Variants in NRXN1 observed in about 807,000 individuals in gnomAD.
The protein encoded by NRXN1 is neurexin-1.
A neutral mutation model predicts 150.9 loss-of-function variants in NRXN1; 39 were observed. The ratio of observed to expected loss-of-function variants is 0.26; its 90% CI spans 0.20 to 0.34. The LOEUF is 0.34. NRXN1 is among the 10% of genes least tolerant of loss of function. NRXN1 has a pLI of 1.00. For synonymous variants in NRXN1, 924 were observed against 757.0 expected (o/e 1.22, Z -3.62); for missense variants, 1,815 against 1,949.9 (o/e 0.93, Z 1.30).
intron 10 of NRXN1, among the ~76,000 whole-genome samples, chr2:50,532,123 G>A (rs1405134472): frequency 6.6e-6 from 1 of 152,010 alleles, no homozygotes; most frequent in African/African-American, 2.4e-5. Flanking sequence ...AGGAACCTGT[G>A]CCCAGCCTCC....
intron 2 of NRXN1, among the ~76,000 whole-genome samples, chr2:51,004,948 G>A (rs183871951): frequency 8.9e-4 from 135 of 151,970 alleles, no homozygotes; most frequent in African/African-American, 2.6e-3. Flanking sequence ...GAACCTTACC[G>A]CATAAGATGG....
At chr2:50,341,010 G>C (rs1475163721) in intron 17 of NRXN1, among the ~76,000 whole-genome samples, 6 of 152,086 alleles carry the variant, frequency 3.9e-5, no homozygotes, top group African/African-American at 1.4e-4. Context: ...GACTGCTTTT[G>C]GTCATACAGT....
At chr2:50,382,909 A>G (rs1424105473) in intron 17 of NRXN1, among the ~76,000 whole-genome samples, 3 of 152,172 alleles carry the variant, frequency 2.0e-5, no homozygotes, top group Non-Finnish European at 4.4e-5. Context: ...GAGCCGCCTC[A>G]GGTTCACCAT....
intron 5 of NRXN1, among the ~76,000 whole-genome samples, chr2:50,852,254 A>G (rs145224179): frequency 6.6e-6 from 1 of 152,294 alleles, no homozygotes; most frequent in Non-Finnish European, 1.5e-5. Context: ...AATGGGTTCT[A>G]GAATGTTATA....
intron 17 of NRXN1, among the ~76,000 whole-genome samples, chr2:50,430,093 A>T (rs1396056562): frequency 6.6e-6 from 1 of 152,200 alleles, no homozygotes; most frequent in African/African-American, 2.4e-5. Context: ...GAATGAATAC[A>T]GTACTCCCAT....
chr2:50,784,838 T>G lies in NRXN1; in HGVS notation c.832+137031A>C, dbSNP rs117849140. Among the ~76,000 whole-genome samples, 268 of 152,048 alleles carry G rather than the reference T, an allele frequency of 1.8e-3. 4 individuals carry two copies. The highest frequency in any genetic ancestry group is 0.015 in the East Asian group (79 of 5,156). On this transcript the variant is annotated intron_variant, in intron 5 of 22. Coordinates refer to ENST00000401669, the MANE Select transcript of NRXN1 (RefSeq NM_001330078.2). ...ATAGTGAGGACAGGAAGATCCATAG[T>G]GGGGGCACTGTATACACAATGAGAT...
At chr2:50,438,137 G>A (rs1387481617) in intron 17 of NRXN1, among the ~76,000 whole-genome samples, 1 of 152,072 alleles carries the variant, frequency 6.6e-6, no homozygotes, top group Non-Finnish European at 1.5e-5. Flanking sequence ...AATTTTCCCA[G>A]GTCATGGCCA....
intron 5 of NRXN1, among the ~76,000 whole-genome samples, chr2:50,692,632 T>G (rs1692234618): frequency 6.6e-6 from 1 of 152,204 alleles, no homozygotes; most frequent in East Asian, 1.9e-4. Flanking sequence ...AAAAAGCTAT[T>G]TTTGTAATCT....
chr2:50,264,877 G>A (rs1393222907), intron 17 of NRXN1, among the ~76,000 whole-genome samples: 2 of 152,190 alleles, frequency 1.3e-5, no homozygotes, highest in South Asian at 2.1e-4. Flanking sequence ...TTGGAATAAT[G>A]TCATCACTAG....
In NRXN1 at chr2:50,720,093, C is replaced by A. The variant is rs867543976; in HGVS notation, c.833-96478G>T. The stretch of plus-strand genomic sequence containing the variant: ...CTGCACAAGATACCTAGATGTTTGG[C>A]TCATGCCTTTGCTGTAGATCTGTCC... On this transcript the variant is annotated intron_variant, in intron 5 of 22. Transcript: ENST00000401669. Among the ~76,000 whole-genome samples, 7 of 152,334 alleles carry A rather than the reference C, an allele frequency of 4.6e-5. No individual in the cohort carries two copies. The South Asian group carries it at 1.4e-3, about 32-fold the overall frequency.
At chr2:50,334,538 C>A (rs1434879341) in intron 17 of NRXN1, among the ~76,000 whole-genome samples, 7 of 152,122 alleles carry the variant, frequency 4.6e-5, no homozygotes, top group Non-Finnish European at 8.8e-5. Flanking sequence ...TAAATACCTA[C>A]ACTGCCCTAG....
At chr2:50,289,844 A>G (rs2072688414) in intron 17 of NRXN1, among the ~76,000 whole-genome samples, 1 of 152,200 alleles carries the variant, frequency 6.6e-6, no homozygotes, top group Non-Finnish European at 1.5e-5. Flanking sequence ...ATATCTGTCC[A>G]TTCCATAATC....
At chr2:50,921,284 G>C (rs1426108196) in intron 5 of NRXN1, among the ~76,000 whole-genome samples, 1 of 151,724 alleles carries the variant, frequency 6.6e-6, no homozygotes, top group Non-Finnish European at 1.5e-5. Flanking sequence ...AGCAATGCGG[G>C]AATGCATAGC....
intron 19 of NRXN1, 59 bp downstream of exon 19, chr2:50,091,263 GC>G: frequency 6.3e-7 from 1 of 1,579,336 alleles, no homozygotes; most frequent in Non-Finnish European, 8.7e-7. Context: ...GCAAAACAGT[GC>G]TTTTTCTTCC....
At chr2:50,498,751 C>G (rs566263451) in intron 13 of NRXN1, among the ~76,000 whole-genome samples, 15 of 152,166 alleles carry the variant, frequency 9.9e-5, no homozygotes, top group Non-Finnish European at 1.8e-4. Context: ...GTACTTGTAT[C>G]AGTACCAGTG....
intron 17 of NRXN1, among the ~76,000 whole-genome samples, chr2:50,251,404 T>C (rs10205274): frequency 0.43 from 65,470 of 151,842 alleles, 14,396 homozygotes; most frequent in Middle Eastern, 0.47. Flanking sequence ...GTGTAATGTA[T>C]CACATTTTCT....
intron 22 of NRXN1, among the ~76,000 whole-genome samples, chr2:49,926,654 T>TAA (rs1011963015): frequency 6.6e-6 from 1 of 151,608 alleles, no homozygotes; most frequent in Non-Finnish European, 1.5e-5. Flanking sequence ...CATTAAAAAG[T>TAA]AAAAAAAAAT....
intron 5 of NRXN1, among the ~76,000 whole-genome samples, chr2:50,763,723 A>G (rs1035930743): frequency 6.6e-6 from 1 of 151,884 alleles, no homozygotes; most frequent in African/African-American, 2.4e-5. Flanking sequence ...ATTGAAGGTG[A>G]TATTTCACCT....
At chr2:50,256,512 C>T (rs1407923061) in intron 17 of NRXN1, among the ~76,000 whole-genome samples, 7 of 152,094 alleles carry the variant, frequency 4.6e-5, no homozygotes, top group African/African-American at 1.7e-4. Flanking sequence ...CTTCAATAAC[C>T]TATTGCATTG....
Sources: allele counts gnomAD v4.1 joint callset (sites outside exome capture counted in the v4.1 genomes callset), GRCh38; gene constraint gnomAD v4.1.1; transcripts MANE v1.5; gene names NCBI Gene and HGNC (gene_info 2026-07-23, HGNC 2026-07-21).